Variants in SHOC2 observed in about 807,000 individuals in gnomAD.
The protein encoded by SHOC2 is SHOC2 leucine rich repeat scaffold protein.
A neutral mutation model predicts 50.2 loss-of-function variants in SHOC2; 4 were observed. That is an observed-to-expected ratio of 0.08 (90% CI 0.04 to 0.18). The LOEUF (loss-of-function observed/expected upper bound fraction) is 0.18, where lower values mean the gene tolerates loss of function less well. Ranked by LOEUF, SHOC2 falls within the 10% of genes least tolerant of loss-of-function variation. The pLI is 1.00. For missense variants in SHOC2, 388 were observed against 669.6 expected, an observed-to-expected ratio of 0.58 and a Z score of 4.64; for synonymous variants, 218 against 244.5, an observed-to-expected ratio of 0.89 and a Z score of 1.01.
At chr10:110,937,259 CTTTTT>C in intron 1 of SHOC2, 1 of 738,896 alleles carries the variant, frequency 1.4e-6, no homozygotes. Flanking sequence ...GGGAAAGCTG[CTTTTT>C]TTTTTTTTGG....
At chr10:110,936,981 G>A (rs757959107) in intron 1 of SHOC2, 8 of 1,455,920 alleles carry the variant, frequency 5.5e-6, no homozygotes, top group Non-Finnish European at 7.7e-6. Context: ...AGCATACTTC[G>A]CACAGTCAGC....
At chr10:110,981,811 A>G (rs918417768) in intron 2 of SHOC2, among the ~76,000 whole-genome samples, 2 of 151,978 alleles carry the variant, frequency 1.3e-5, no homozygotes. Context: ...GTCATGATGT[A>G]TAATCCCTTT....
chr10:111,008,956 C>T (rs911178060), intron 6 of SHOC2, among the ~76,000 whole-genome samples: 5 of 151,956 alleles, frequency 3.3e-5, no homozygotes, highest in African/African-American at 9.7e-5. Flanking sequence ...AAATAGTTTC[C>T]TATTAGATAA....
rs377053560 is a variant in SHOC2 at position 110,931,127 on chromosome 10, C to G, written c.-235+11470C>G. Reference sequence around the variant, plus strand: ...TATATAAAATAAATCAGTCCCATGTCTCTCCATGTCTTTCCAAAATATTTT... The same window carrying G: ...TATATAAAATAAATCAGTCCCATGTGTCTCCATGTCTTTCCAAAATATTTT... On this transcript the variant is annotated intron_variant, in intron 1 of 8. Coordinates refer to ENST00000369452, the MANE Select transcript of SHOC2 (RefSeq NM_007373.4). 3.2e-3 allele frequency among the ~76,000 whole-genome samples: 484 copies of G among 152,250 alleles called. 26 individuals carry two copies. The South Asian group carries it at 0.092, about 29-fold the overall frequency.
intron 1 of SHOC2, among the ~76,000 whole-genome samples, chr10:110,925,536 A>G (rs1450238972): frequency 6.6e-6 from 1 of 152,148 alleles, no homozygotes; most frequent in Non-Finnish European, 1.5e-5. Flanking sequence ...GGCTCATTGC[A>G]GCCCTGACCT....
chr10:111,007,441 T>C (rs1336213711), intron 5 of SHOC2, 90 bp from the exon 6 acceptor site: 2 of 1,398,242 alleles, frequency 1.4e-6, no homozygotes, highest in African/African-American at 2.8e-5. Flanking sequence ...AGATTTTGTT[T>C]AATTAAGAAT....
intron 1 of SHOC2, among the ~76,000 whole-genome samples, chr10:110,959,115 T>C (rs1474603748): frequency 6.6e-6 from 1 of 152,262 alleles, no homozygotes; most frequent in African/African-American, 2.4e-5. Flanking sequence ...ATACATTTTA[T>C]GTTTCAGTAT....
Position 111,004,297 on chromosome 10 carries a change from G to C in SHOC2, c.973-309G>C, listed in dbSNP as rs536480641. On this transcript the variant is annotated intron_variant, in intron 4 of 8. Coordinates refer to ENST00000369452, the MANE Select transcript of SHOC2 (RefSeq NM_007373.4). ...ACCCATGAGGCACCTCTCACACACA[G>C]ACATGTTTTCCTTACTCCATACAGT... is the stretch of plus-strand genomic sequence containing the variant. 2.6e-5 allele frequency among the ~76,000 whole-genome samples: 4 copies of C among 152,318 alleles called. No individual in the cohort carries two copies. In the East Asian group the frequency reaches 5.8e-4, roughly 22 times the overall value.
intron 1 of SHOC2, among the ~76,000 whole-genome samples, chr10:110,924,835 T>G (rs563064165): frequency 2.0e-5 from 3 of 152,204 alleles, no homozygotes; most frequent in African/African-American, 7.2e-5. Flanking sequence ...TTTGAGAAGC[T>G]GAGGCGGGCA....
chr10:110,936,596 T>TTTTTTTTTTG (rs1188730181), intron 1 of SHOC2: 1 of 664,868 alleles, frequency 1.5e-6, no homozygotes, highest in East Asian at 3.1e-5. Context: ...TTCCTTTTTT[T>TTTTTTTTTTG]TTTTTTTTAA....
chr10:110,964,358 C>A lies in SHOC2; in HGVS notation c.-1C>A. 1 of 1,612,784 alleles carries A rather than the reference C, an allele frequency of 6.2e-7. No individual in the cohort carries two copies. The highest frequency in any genetic ancestry group is 1.1e-5 in the South Asian group (1 of 90,936). On this transcript the variant is annotated 5_prime_UTR_variant, in exon 2 of 9. Transcript: ENST00000369452. This position sits in a 1 kb window ranked among gnomAD's most constrained non-coding sequence, Gnocchi z 4.9. ...TAGTTTTTGTCCAGGCTTGAGTCAC[C>A]ATGAGTAGTAGTTTAGGAAAAGAAA...
intron 3 of SHOC2, among the ~76,000 whole-genome samples, chr10:110,999,861 T>G (rs1848337699): frequency 6.6e-6 from 1 of 152,058 alleles, no homozygotes; most frequent in Non-Finnish European, 1.5e-5. Flanking sequence ...TAACTTTCAC[T>G]TTGGTTTGTA....
intron 1 of SHOC2, among the ~76,000 whole-genome samples, chr10:110,946,761 G>T (rs373943114): frequency 6.7e-4 from 102 of 152,286 alleles, no homozygotes; most frequent in African/African-American, 2.3e-3. Flanking sequence ...AGCTAGACAA[G>T]TGTAGGGGCT....
At chr10:110,940,527 G>GT (rs1404999154) in intron 1 of SHOC2, among the ~76,000 whole-genome samples, 1 of 152,130 alleles carries the variant, frequency 6.6e-6, no homozygotes, top group Admixed American at 6.5e-5. Flanking sequence ...CATGTATCAT[G>GT]TATGTAAATT....
At chr10:110,989,253 A>C (rs975949080) in intron 3 of SHOC2, among the ~76,000 whole-genome samples, 3 of 152,154 alleles carry the variant, frequency 2.0e-5, no homozygotes, top group Non-Finnish European at 4.4e-5. Context: ...CCGTTTCTGG[A>C]GGAGTCTCTT....
In SHOC2 at chr10:110,936,027, G is replaced by T. The variant is rs575275345; in HGVS notation, c.-235+16370G>T. The stretch of plus-strand genomic sequence containing the variant: ...AAGTTTATGAAAACTATTCCTTAGG[G>T]TTTTGCATATTTAATGATGTTTTAT... On this transcript the variant is annotated intron_variant, in intron 1 of 8. Coordinates refer to ENST00000369452, the MANE Select transcript of SHOC2 (RefSeq NM_007373.4). Among the ~76,000 whole-genome samples the T allele has an allele frequency of 9.2e-4, 138 of 150,576 alleles. 1 individual carries two copies. Among genetic ancestry groups the T allele is most frequent in the Middle Eastern group, 7.0e-3 (2 of 286 alleles).
chr10:110,934,510 C>T (rs370768901), intron 1 of SHOC2, among the ~76,000 whole-genome samples: 41 of 152,048 alleles, frequency 2.7e-4, no homozygotes, highest in Admixed American at 1.2e-3. Flanking sequence ...TTTTAATATC[C>T]GTACAACATT....
Position 111,013,173 on chromosome 10 carries a change from G to C in SHOC2, c.*1355G>C, listed in dbSNP as rs1236675268. On this transcript the variant is annotated 3_prime_UTR_variant, in exon 9 of 9. Coordinates refer to ENST00000369452, the MANE Select transcript of SHOC2 (RefSeq NM_007373.4). ...TTTGCTTCACTGCTTTTAATACTTA[G>C]CAGTATTGTTGGTCTAAGTCAATTT... is the stretch of plus-strand genomic sequence containing the variant. The C allele has an allele frequency of 6.6e-6, 1 of 152,122 alleles. No individual in the cohort carries two copies. The highest frequency in any genetic ancestry group is 2.4e-5 in the African/African-American group (1 of 41,434). The allele number at this position is 152,122 out of a possible 1,614,324, so 9.4% of individuals were successfully genotyped here.
intron 2 of SHOC2, among the ~76,000 whole-genome samples, chr10:110,981,470 G>GT (rs1847975208): frequency 6.6e-6 from 1 of 152,210 alleles, no homozygotes; most frequent in Non-Finnish European, 1.5e-5. Context: ...TCAAAAGGAT[G>GT]TAAGAAAAGT....
Sources: gnomAD v4.1 joint callset for allele counts (sites outside exome capture counted in the v4.1 genomes callset) on GRCh38, gnomAD v4.1.1 for gene constraint, Gnocchi (gnomAD v3.1) non-coding constraint, MANE v1.5 for transcripts, NCBI Gene and HGNC (gene_info 2026-07-23, HGNC 2026-07-21) for gene names.